Variants in EXOC3L4 observed in about 807,000 individuals in gnomAD.
EXOC3L4 encodes the protein exocyst complex component 3-like protein 4.
EXOC3L4 carries 62 observed loss-of-function variants against 69.7 expected under a neutral mutation model. The observed-to-expected ratio is 0.89, with a 90% CI of 0.72 to 1.10. The LOEUF (loss-of-function observed/expected upper bound fraction) is 1.10, where lower values mean the gene tolerates loss of function less well. Ranked by LOEUF, EXOC3L4 falls within the 50% of genes least tolerant of loss-of-function variation. The probability of loss-of-function intolerance (pLI) is 0.00; values close to 1 mark genes in which losing one functional copy is unlikely to be tolerated. For missense variants in EXOC3L4, 1,087 were observed against 1,034.8 expected, an observed-to-expected ratio of 1.05 and a Z score of -0.69; for synonymous variants, 502 against 464.2, an observed-to-expected ratio of 1.08 and a Z score of -1.05.
At position 103,107,484 on chromosome 14, in the gene EXOC3L4, A is replaced by G. The variant is rs1298366649; in HGVS notation, c.1642A>G (p.Met548Val). 3 of 1,613,844 alleles carry G rather than the reference A, an allele frequency of 1.9e-6. No individual in the cohort carries two copies. Among genetic ancestry groups the G allele is most frequent in the Non-Finnish European group, 2.5e-6 (3 of 1,180,016 alleles). The change falls in exon 9 of 12, where the codon ATG becomes GTG. Residue 548 changes from methionine to valine, a missense_variant. Met to Val is a conservative substitution (Grantham distance 21). Coordinates refer to ENST00000688303, the MANE Select transcript of EXOC3L4 (RefSeq NM_001077594.2). ...GACGCAGGACTGGCTGCATCCCCTC[A>G]TGGACAAGGTGGTGACCTTCGCCGG... The part of the protein sequence containing the change: ...WLTQDWLHPL[M>V]DKVVTFAGHL...
intron 1 of EXOC3L4, among the ~76,000 whole-genome samples, chr14:103,096,375 AAGG>A (rs1269928415): frequency 1.4e-5 from 2 of 144,540 alleles, no homozygotes; most frequent in Non-Finnish European, 3.0e-5. Context: ...ACAATAAACA[AAGG>A]AGGTTGACGT....
chr14:103,100,642 T>C (rs746261532), intron 2 of EXOC3L4, 29 bp downstream of exon 2: 1 of 1,578,238 alleles, frequency 6.3e-7, no homozygotes, highest in South Asian at 1.1e-5. Context: ...ACACGAAGCA[T>C]GAAAGGAAAC....
At chr14:103,098,217 C>T (rs994869782) in intron 1 of EXOC3L4, among the ~76,000 whole-genome samples, 2 of 152,126 alleles carry the variant, frequency 1.3e-5, no homozygotes, top group Admixed American at 6.5e-5. Context: ...CCTCCTTACC[C>T]GGCGCTCGTC....
At position 103,100,314 on chromosome 14, in the gene EXOC3L4, C is replaced by A; in HGVS notation, c.95C>A (p.Thr32Lys). ...PQTPAQGSRR[T>K]SSRKEPNAHR... Reference sequence around the variant, plus strand: ...ACTCCAGCTCAGGGCTCCCGGCGAACAAGCAGCAGGAAAGAGCCCAATGCC... The same window carrying A: ...ACTCCAGCTCAGGGCTCCCGGCGAAAAAGCAGCAGGAAAGAGCCCAATGCC... The change falls in exon 2 of 12, where the codon ACA (threonine) becomes AAA (lysine). Residue 32 changes from threonine (T) to lysine (K), a missense_variant. Thr to Lys is a moderately conservative substitution (Grantham distance 78). Transcript: ENST00000688303. 6.3e-7 allele frequency: 1 copy of A among 1,588,950 alleles called. No homozygotes were observed. Among genetic ancestry groups the A allele is most frequent in the Non-Finnish European group, 8.6e-7 (1 of 1,166,936 alleles).
intron 1 of EXOC3L4, among the ~76,000 whole-genome samples, chr14:103,096,401 C>CTTTTTTTTTTTTTTTTTTTT (rs56362121): frequency 7.6e-6 from 1 of 131,912 alleles, no homozygotes. Context: ...TGGCAAGATT[C>CTTTTTTTTTTTTTTTTTTTT]TTTTTTTTTT....
chr14:103,102,438 C>A lies in EXOC3L4; in HGVS notation c.715C>A (p.Arg239Ser). 1 of 1,508,434 alleles carries A rather than the reference C, an allele frequency of 6.6e-7. No individual in the cohort carries two copies. Among genetic ancestry groups the A allele is most frequent in the African/African-American group, 1.4e-5 (1 of 69,352 alleles). 93.4% of individuals were successfully genotyped at this position (1,508,434 alleles called of 1,614,324 possible). A position where few individuals can be genotyped will look rare whatever the true frequency, so the allele number is the denominator to read the frequency against. Residue 239 changes from arginine (R) to serine (S), a missense_variant, in exon 3 of 12, where the codon CGC becomes AGC. Coordinates refer to ENST00000688303, the MANE Select transcript of EXOC3L4 (RefSeq NM_001077594.2). ...CGACGGCGACTTCCTGCGCACGCCGCGCCGCTGGCGCCAGCACTGGGAGGA... is the reference window on the plus strand; with the variant it reads ...CGACGGCGACTTCCTGCGCACGCCGAGCCGCTGGCGCCAGCACTGGGAGGA... ...PDDGDFLRTP[R>S]RWRQHWEEAV...
Position 103,100,333 on chromosome 14 carries a change from C to A in EXOC3L4, c.114C>A (p.Pro38=). ...GSRRTSSRKE[P]NAHRKDGTRL... ...GGCGAACAAGCAGCAGGAAAGAGCC[C>A]AATGCCCACCGCAAGGATGGCACAA... The change falls in exon 2 of 12, where the codon CCC becomes CCA. Residue 38 remains proline (P), a synonymous_variant. Transcript: ENST00000688303. The A allele has an allele frequency of 6.3e-7, 1 of 1,595,518 alleles. No homozygotes were observed. The highest frequency in any genetic ancestry group is 2.3e-5 in the East Asian group (1 of 44,088).
chr14:103,107,731 C>A lies in EXOC3L4; in HGVS notation c.1802C>A (p.Ser601Tyr). 1 of 1,549,282 alleles carries A rather than the reference C, an allele frequency of 6.5e-7. No homozygotes were observed. The highest frequency in any genetic ancestry group is 8.7e-7 in the Non-Finnish European group (1 of 1,144,382). The change falls in exon 10 of 12, where the codon TCC becomes TAC. Residue 601 changes from serine to tyrosine, a missense_variant. By Grantham distance (144) the Ser-to-Tyr change is moderately radical. Transcript: ENST00000688303. The part of the protein sequence containing the change: ...RFRGMERMHG[S>Y]QKMSLDAQAI... ...CGGGGCATGGAGCGCATGCATGGCT[C>A]CCAGAAGATGAGCCTGGATGCCCAG...
In EXOC3L4 at chr14:103,105,029, G is replaced by T; in HGVS notation, c.1423G>T (p.Glu475Ter). Residue 475 changes from glutamate to a stop codon, truncating the protein, a stop_gained, in exon 7 of 12, where the codon GAG becomes TAG. Transcript: ENST00000688303. LOFTEE classifies it high-confidence loss of function. Reference protein sequence around the residue: ...KAFLASEAVSEPHLGAYINAC... With the variant: ...KAFLASEAVS Reference sequence around the variant, plus strand: ...TTTTCTGGCGTCGGAGGCGGTGAGCGAGCCGCACCTGGGCGCCTACATCAA... The same window carrying T: ...TTTTCTGGCGTCGGAGGCGGTGAGCTAGCCGCACCTGGGCGCCTACATCAA... 6.2e-7 allele frequency: 1 copy of T among 1,612,436 alleles called. No homozygotes were observed. The highest frequency in any genetic ancestry group is 8.5e-7 in the Non-Finnish European group (1 of 1,178,736).
rs200219064 is a variant in EXOC3L4, at chr14:103,105,028, C to T, written c.1422C>T (p.Ser474=). 2.5e-6 allele frequency: 4 copies of T among 1,610,724 alleles called. No individual in the cohort carries two copies. The South Asian group carries it at 4.4e-5, about 18-fold the overall frequency. The part of the protein sequence containing the change: ...EKAFLASEAV[S]EPHLGAYINA... ...CTTTTCTGGCGTCGGAGGCGGTGAG[C>T]GAGCCGCACCTGGGCGCCTACATCA... is the stretch of plus-strand genomic sequence containing the variant. The change falls in exon 7 of 12, where the codon AGC becomes AGT. Residue 474 remains serine, a synonymous_variant. Coordinates refer to ENST00000688303, the MANE Select transcript of EXOC3L4 (RefSeq NM_001077594.2).
Position 103,097,847 on chromosome 14 carries a change from G to A in EXOC3L4, c.-16-2357G>A, listed in dbSNP as rs1325576895. ...CGGGAGGACAGAGAAGAAGCTGGGT[G>A]GGGTGCAGGTTGTCCGTGAACCCCA... On this transcript the variant is annotated intron_variant, in intron 1 of 11. Coordinates refer to ENST00000688303, the MANE Select transcript of EXOC3L4 (RefSeq NM_001077594.2). The surrounding 1 kb of genome is among the most constrained non-coding windows in gnomAD (Gnocchi z 4.9). Among the ~76,000 whole-genome samples, 6 of 152,118 alleles carry A rather than the reference G, an allele frequency of 3.9e-5. No individual in the cohort carries two copies. In the East Asian group the frequency reaches 5.8e-4, roughly 15 times the overall value.
In EXOC3L4 at chr14:103,102,671, C is replaced by T; in HGVS notation, c.948C>T (p.Phe316=). 6.7e-7 allele frequency: 1 copy of T among 1,494,210 alleles called. No homozygotes were observed. Among genetic ancestry groups the T allele is most frequent in the Non-Finnish European group, 8.9e-7 (1 of 1,127,294 alleles). 92.6% of individuals were successfully genotyped at this position (1,494,210 alleles called of 1,614,324 possible). Residue 316 remains phenylalanine, a synonymous_variant, in exon 3 of 12, where the codon TTC becomes TTT. Coordinates refer to ENST00000688303, the MANE Select transcript of EXOC3L4 (RefSeq NM_001077594.2). ...CGTGGGAGGTCTATCTGCGTGCCTT[C>T]CACAGCGCCGTGGCCCAGCGCCTCC... ...FPAWEVYLRA[F]HSAVAQRLQE...
At position 103,104,329 on chromosome 14, in the gene EXOC3L4, C is replaced by T. The variant is rs1232272337; in HGVS notation, c.1224C>T (p.Ala408=). Residue 408 remains alanine, a synonymous_variant, in exon 5 of 12, where the codon GCC becomes GCT. Coordinates refer to ENST00000688303, the MANE Select transcript of EXOC3L4 (RefSeq NM_001077594.2). ...TGGAGCAGAGTCACTGGGCGGCCGC[C>T]GAGGTCCCCGAGGTGCTGCAGGGCC... is the stretch of plus-strand genomic sequence containing the variant. ...LQLEQSHWAA[A]EVPEVLQGLY... 1 of 1,590,704 alleles carries T rather than the reference C, an allele frequency of 6.3e-7. No homozygotes were observed. The highest frequency in any genetic ancestry group is 1.1e-5 in the South Asian group (1 of 87,404).
chr14:103,102,081 C>T (rs1346061774), intron 2 of EXOC3L4, 37 bp from the exon 3 acceptor site: 10 of 1,560,242 alleles, frequency 6.4e-6, no homozygotes, highest in Admixed American at 1.9e-5. Context: ...GGTCTTGGGG[C>T]GGTCCCTCTC....
In EXOC3L4 at chr14:103,110,261, G is replaced by A. The variant is rs868198618; in HGVS notation, c.*38G>A. 2.3e-5 allele frequency: 34 copies of A among 1,499,272 alleles called. 4 individuals are homozygous for A. The Middle Eastern group carries it at 5.4e-3, about 237-fold the overall frequency. 92.9% of individuals were successfully genotyped at this position (1,499,272 alleles called of 1,614,324 possible). ...CGAGGGGGGGCCGGCCGCTGGCAGG[G>A]AGCTGTGGTCAGTGGGGGTCAGCCA... On this transcript the variant is annotated 3_prime_UTR_variant, in exon 12 of 12. Coordinates refer to ENST00000688303, the MANE Select transcript of EXOC3L4 (RefSeq NM_001077594.2).
At chr14:103,109,191 C>T (rs1890764918) in intron 11 of EXOC3L4, among the ~76,000 whole-genome samples, 1 of 116,920 alleles carries the variant, frequency 8.6e-6, no homozygotes, top group African/African-American at 3.4e-5. Context: ...CTCTCTCCCT[C>T]GCCACCCTGT....
In EXOC3L4 at chr14:103,102,194, G is replaced by A. The variant is rs1292831290; in HGVS notation, c.471G>A (p.Thr157=). The A allele has an allele frequency of 2.5e-6, 4 of 1,599,172 alleles. No homozygotes were observed. Among genetic ancestry groups the A allele is most frequent in the South Asian group, 2.3e-5 (2 of 88,664 alleles). ...TCGAACAGCTTCTGCGCCTGGAGACGCTGCTGGTGGCCGAGAAGGCCTCGC... is the reference window on the plus strand; with the variant it reads ...TCGAACAGCTTCTGCGCCTGGAGACACTGCTGGTGGCCGAGAAGGCCTCGC... ...AAFEQLLRLE[T]LLVAEKASRT... Residue 157 remains threonine, a synonymous_variant, in exon 3 of 12, where the codon ACG becomes ACA. Coordinates refer to ENST00000688303, the MANE Select transcript of EXOC3L4 (RefSeq NM_001077594.2).
chr14:103,107,798 A>T lies in EXOC3L4; in HGVS notation c.1854+15A>T. On this transcript the variant is annotated intron_variant, in intron 10 of 11. Transcript: ENST00000688303. ...TCCAGGGCCTGGTAGGGGCGGCATG[A>T]CTGCCCTTCGGTGCTCGCCTCTGTG... is the stretch of plus-strand genomic sequence containing the variant. The T allele has an allele frequency of 6.7e-7, 1 of 1,500,236 alleles. No individual in the cohort carries two copies. The highest frequency in any genetic ancestry group is 1.3e-5 in the South Asian group (1 of 78,040). The allele number at this position is 1,500,236 out of a possible 1,614,324, so 92.9% of individuals were successfully genotyped here.
intron 4 of EXOC3L4, 102 bp from the exon 5 acceptor site, chr14:103,104,164 GC>G: frequency 1.4e-6 from 2 of 1,445,970 alleles, no homozygotes; most frequent in Non-Finnish European, 9.1e-7. Context: ...TCACCCTGTG[GC>G]CCCCGGCGCG....
Sources: allele counts gnomAD v4.1 joint callset (sites outside exome capture counted in the v4.1 genomes callset), GRCh38; gene constraint gnomAD v4.1.1; non-coding constraint Gnocchi (gnomAD v3.1); transcripts MANE v1.5; gene names NCBI Gene and HGNC (gene_info 2026-07-23, HGNC 2026-07-21).